The following SEMA5A variants were observed in gnomAD, a reference collection of about 807,000 sequenced individuals.
SEMA5A encodes the protein semaphorin-5A.
SEMA5A carries 55 observed loss-of-function variants against 135.5 expected under a neutral mutation model. That is an observed-to-expected ratio of 0.41 (90% CI 0.33 to 0.51). The LOEUF is 0.51. SEMA5A is among the 20% of genes least tolerant of loss of function. The pLI is 0.37. For missense variants in SEMA5A, 1,290 were observed against 1,419.9 expected (o/e 0.91, Z 1.47); for synonymous variants, 580 against 546.5 (o/e 1.06, Z -0.85).
Position 9,202,064 on chromosome 5 carries a change from G to T in SEMA5A, c.823C>A (p.Arg275Ser). The change falls in exon 9 of 23, where the codon CGC (arginine) becomes AGC (serine). Residue 275 changes from arginine to serine, a missense_variant. Physicochemically the swap from Arg to Ser is moderately radical, Grantham distance 110. Coordinates refer to ENST00000382496, the MANE Select transcript of SEMA5A (RefSeq NM_003966.3). ...EDTWTTFMKA[R>S]LNCSRPGEVP... is the part of the protein sequence containing the mutation. ...TCCCCAGGACGGGAGCAGTTCAGGC[G>T]AGCCTTCATGAATGTGGTCCAGGTG... is the stretch of plus-strand genomic sequence containing the variant. 1 of 1,614,198 alleles carries T rather than the reference G, an allele frequency of 6.2e-7. No homozygotes were observed. Among genetic ancestry groups the T allele is most frequent in the Non-Finnish European group, 8.5e-7 (1 of 1,180,024 alleles).
rs3034563 is a variant in SEMA5A at position 9,284,106 on chromosome 5, TAG to T, written c.270+34264_270+34265del. 5.3e-3 allele frequency among the ~76,000 whole-genome samples: 794 copies of T among 148,568 alleles called. 2 individuals are homozygous for T. The highest frequency in any genetic ancestry group is 6.2e-3 in the Non-Finnish European group (415 of 67,060). On this transcript the variant is annotated intron_variant, in intron 5 of 22. Coordinates refer to ENST00000382496, the MANE Select transcript of SEMA5A (RefSeq NM_003966.3). ...TAACAGGTAATAGATAGATAGATAT[TAG>T]AGAGAGAGAGAGAGAGAGAGAGAGA...
At chr5:9,290,040 T>A (rs79037419) in intron 5 of SEMA5A, among the ~76,000 whole-genome samples, 19,481 of 152,162 alleles carry the variant, frequency 0.13, 1,300 homozygotes, top group South Asian at 0.19. Context: ...GTATCTGATT[T>A]AAAAATTACT....
chr5:9,240,111 A>G (rs919304405), intron 5 of SEMA5A, among the ~76,000 whole-genome samples: 1 of 152,100 alleles, frequency 6.6e-6, no homozygotes, highest in South Asian at 2.1e-4. Flanking sequence ...TTTATCCAGC[A>G]TACCAAAAAA....
intron 1 of SEMA5A, among the ~76,000 whole-genome samples, chr5:9,493,332 C>T (rs1176992013): frequency 6.6e-6 from 1 of 150,616 alleles, no homozygotes; most frequent in African/African-American, 2.4e-5. Context: ...TATAAGCATA[C>T]TGTCATCTCA....
At chr5:9,404,966 A>G (rs1347227167) in intron 2 of SEMA5A, among the ~76,000 whole-genome samples, 1 of 152,232 alleles carries the variant, frequency 6.6e-6, no homozygotes, top group African/African-American at 2.4e-5. Flanking sequence ...TAAGGTAACC[A>G]GCTCTCCAGA....
intron 1 of SEMA5A, among the ~76,000 whole-genome samples, chr5:9,480,087 G>C (rs1425805833): frequency 1.7e-5 from 1 of 57,900 alleles, no homozygotes; most frequent in Non-Finnish European, 4.7e-5. Context: ...CCTGTGCACT[G>C]TAGGACATTC....
chr5:9,385,487 AG>A (rs1755846776), intron 2 of SEMA5A, among the ~76,000 whole-genome samples: 1 of 152,202 alleles, frequency 6.6e-6, no homozygotes, highest in Non-Finnish European at 1.5e-5. Flanking sequence ...AGATGGATAT[AG>A]CCTAATCTGT....
chr5:9,420,432 A>G (rs1164289719), intron 2 of SEMA5A, among the ~76,000 whole-genome samples: 3 of 152,184 alleles, frequency 2.0e-5, no homozygotes, highest in African/African-American at 7.2e-5. Context: ...GGTTACTCCT[A>G]TGCTGGAGAG....
chr5:9,453,249 T>C (rs1280405802), intron 1 of SEMA5A, among the ~76,000 whole-genome samples: 1 of 152,222 alleles, frequency 6.6e-6, no homozygotes, highest in Non-Finnish European at 1.5e-5. Flanking sequence ...CTTGAGGCAC[T>C]TCCCAGCCAT....
chr5:9,146,609 G>T (rs1397613061), intron 12 of SEMA5A, among the ~76,000 whole-genome samples: 2 of 152,116 alleles, frequency 1.3e-5, no homozygotes, highest in South Asian at 4.1e-4. Flanking sequence ...AATCGATTTT[G>T]GAATAAATTC....
At chr5:9,406,079 T>C (rs1756875161) in intron 2 of SEMA5A, among the ~76,000 whole-genome samples, 2 of 152,124 alleles carry the variant, frequency 1.3e-5, no homozygotes, top group South Asian at 2.1e-4. Flanking sequence ...GAAGTAGACA[T>C]GGAGGAAGAA....
intron 5 of SEMA5A, among the ~76,000 whole-genome samples, chr5:9,264,712 T>C (rs188109238): frequency 6.6e-6 from 1 of 152,294 alleles, no homozygotes; most frequent in East Asian, 1.9e-4. Context: ...TGGTAGATCC[T>C]GGCAACCAGG....
At chr5:9,146,782 T>C (rs1181784940) in intron 12 of SEMA5A, among the ~76,000 whole-genome samples, 3 of 152,060 alleles carry the variant, frequency 2.0e-5, no homozygotes, top group African/African-American at 7.3e-5. Context: ...ATGTATTGAG[T>C]TCAATAAATA....
intron 12 of SEMA5A, among the ~76,000 whole-genome samples, chr5:9,154,093 A>ATATATATATGTGTGTGTG (rs372321939): frequency 2.2e-4 from 16 of 73,468 alleles, no homozygotes; most frequent in East Asian, 6.2e-4. Context: ...ATATATATAT[A>ATATATATATGTGTGTGTG]TGTGTGTGTG....
At chr5:9,432,338 G>A (rs62343777) in intron 2 of SEMA5A, among the ~76,000 whole-genome samples, 9,781 of 152,238 alleles carry the variant, frequency 0.064, 378 homozygotes, top group Middle Eastern at 0.1. Context: ...GTTTAAGCAA[G>A]TGTGTACCTT....
chr5:9,442,765 TAAAA>T lies in SEMA5A; in HGVS notation c.-174-4917_-174-4914del, dbSNP rs58842222. ...AAAATAGATTTTAAAATATGCTAAA[TAAAA>T]AGTCAAAACATCACAGTCCATTTTT... On this transcript the variant is annotated intron_variant, in intron 1 of 22. Transcript: ENST00000382496. Among the ~76,000 whole-genome samples the T allele has an allele frequency of 2.5e-3, 383 of 152,262 alleles. 5 individuals are homozygous for T. The highest frequency in any genetic ancestry group is 8.3e-3 in the African/African-American group (346 of 41,560).
chr5:9,540,166 C>T (rs577858259), intron 1 of SEMA5A, among the ~76,000 whole-genome samples: 2 of 152,326 alleles, frequency 1.3e-5, no homozygotes, highest in African/African-American at 4.8e-5. Flanking sequence ...TCCTGCGTGC[C>T]AGGCACTGTT....
intron 4 of SEMA5A, among the ~76,000 whole-genome samples, chr5:9,332,700 G>A (rs1753208005): frequency 6.6e-6 from 1 of 152,234 alleles, no homozygotes; most frequent in Non-Finnish European, 1.5e-5. Flanking sequence ...GCAGCTATGG[G>A]CTGCTACTCA....
At chr5:9,525,303 T>G (rs1186231185) in intron 1 of SEMA5A, among the ~76,000 whole-genome samples, 2 of 152,236 alleles carry the variant, frequency 1.3e-5, no homozygotes, top group African/African-American at 4.8e-5. Context: ...AAGAAAACTT[T>G]GCTGATCCCT....
Sources: gnomAD v4.1 joint callset for allele counts (sites outside exome capture counted in the v4.1 genomes callset) on GRCh38, gnomAD v4.1.1 for gene constraint, MANE v1.5 for transcripts, NCBI Gene and HGNC (gene_info 2026-07-23, HGNC 2026-07-21) for gene names.